SRSF9: variants seen among roughly 807,000 people sequenced by gnomAD.
The protein encoded by SRSF9 is serine/arginine-rich splicing factor 9.
SRSF9 carries 3 observed loss-of-function variants against 25.9 expected under a neutral mutation model. That is an observed-to-expected ratio of 0.12 (90% CI 0.05 to 0.30). The LOEUF (loss-of-function observed/expected upper bound fraction) is 0.30. Among genes scored for constraint, SRSF9 ranks in the 10% least tolerant of loss-of-function variants. SRSF9 has a pLI of 1.00. For missense variants in SRSF9, 161 were observed against 303.5 expected (o/e 0.53, Z 3.49); for synonymous variants, 114 against 113.2 (o/e 1.01, Z -0.05).
chr12:120,466,497 G>A (rs1217436192), intron 1 of SRSF9, among the ~76,000 whole-genome samples: 1 of 152,012 alleles, frequency 6.6e-6, no homozygotes, highest in East Asian at 1.9e-4. Flanking sequence ...AAGGCTCAAA[G>A]GACAAAAGAA....
chr12:120,469,483 T>C lies in SRSF9; in HGVS notation c.127A>G (p.Ile43Val), dbSNP rs1184462290. 1 of 1,601,972 alleles carries C rather than the reference T, an allele frequency of 6.2e-7. No homozygotes were observed. Among genetic ancestry groups the C allele is most frequent in the African/African-American group, 1.4e-5 (1 of 73,622 alleles). Residue 43 changes from isoleucine (I) to valine (V), a missense_variant, in exon 1 of 4, where the codon ATC (isoleucine) becomes GTC (valine). Physicochemically the swap from Ile to Val is conservative, Grantham distance 29. This residue lies in a region of SRSF9 where 99 missense variants were observed against 156.7 expected (regional missense o/e 0.63). Coordinates refer to ENST00000229390, the MANE Select transcript of SRSF9 (RefSeq NM_003769.3). ...AGGCCGTGCCGGTTCTTGAGCTCGA[T>C]CTCGCGGATGCGGCCGTACTTGTAG... ...LFYKYGRIRE[I>V]ELKNRHGLVP...
At chr12:120,469,323 G>A in intron 1 of SRSF9, 99 bp downstream of exon 1, 3 of 771,494 alleles carry the variant, frequency 3.9e-6, no homozygotes, top group Non-Finnish European at 5.8e-6. Context: ...GGCGGGGGGA[G>A]GGGAGGCCGG....
chr12:120,464,252 G>A, intron 2 of SRSF9, 130 bp from the exon 3 acceptor site: 6 of 1,051,552 alleles, frequency 5.7e-6, no homozygotes, highest in Non-Finnish European at 8.1e-6. Flanking sequence ...CATAAACCTT[G>A]ATAAGGGACA....
chr12:120,463,849 T>C lies in SRSF9; in HGVS notation c.522+101A>G, dbSNP rs1878422670. 1.9e-5 allele frequency: 26 copies of C among 1,367,184 alleles called. 2 individuals carry two copies. The South Asian group carries it at 3.4e-4, about 18-fold the overall frequency. The allele number at this position is 1,367,184 out of a possible 1,614,324, so 84.7% of individuals were successfully genotyped here. A position where few individuals can be genotyped will look rare whatever the true frequency, so the allele number is the denominator to read the frequency against. The stretch of plus-strand genomic sequence containing the variant: ...ACCTAAGATAGATCTCTTATGGTAC[T>C]GTGAGGTTACCAAATGGCATGGCCT... On this transcript the variant is annotated intron_variant, in intron 3 of 3. Transcript: ENST00000229390.
In SRSF9 at chr12:120,465,325, T is replaced by C. The variant is rs117390453; in HGVS notation, c.349+302A>G. 161 of 221,516 alleles carry C rather than the reference T, an allele frequency of 7.3e-4. 3 individuals are homozygous for C. In the East Asian group the frequency reaches 0.016, roughly 22 times the overall value. 13.7% of individuals were successfully genotyped at this position (221,516 alleles called of 1,614,324 possible). On this transcript the variant is annotated intron_variant, in intron 2 of 3. Coordinates refer to ENST00000229390, the MANE Select transcript of SRSF9 (RefSeq NM_003769.3). ...TTTCTACCATGTCTGATGCCAAGTA[T>C]ATTCCAAAAGAAGCATCTTTAGAAT...
chr12:120,464,055 A>AT lies in SRSF9; in HGVS notation c.416dup (p.Tyr139Ter). The AT allele has an allele frequency of 6.2e-7, 1 of 1,614,188 alleles. No homozygotes were observed. The highest frequency in any genetic ancestry group is 8.5e-7 in the Non-Finnish European group (1 of 1,180,032). ...DHMREAGDVC[Y>*]ADVQKDGVGM... ...CCACTCCATCCTTCTGCACATCAGC[A>AT]TAACAGACATCCCCAGCTTCTCGCA... The change falls in exon 3 of 4, where the codon TAT becomes TAAT. Residue 139 changes from tyrosine (Y) to a stop codon, truncating the protein, a stop_gained and frameshift_variant. Coordinates refer to ENST00000229390, the MANE Select transcript of SRSF9 (RefSeq NM_003769.3). LOFTEE classifies it high-confidence loss of function.
Position 120,469,522 on chromosome 12 carries a change from A to G in SRSF9, c.88T>C (p.Leu30=), listed in dbSNP as rs1225400859. ...NLPTDVREKD[L]EDLFYKYGRI... ...CCGTACTTGTAGAACAGGTCCTCCA[A>G]GTCCTTCTCGCGCACGTCGGTCGGA... The change falls in exon 1 of 4, where the codon TTG becomes CTG. Residue 30 remains leucine (L), a synonymous_variant. Transcript: ENST00000229390. The G allele has an allele frequency of 6.3e-7, 1 of 1,594,234 alleles. No homozygotes were observed. Among genetic ancestry groups the G allele is most frequent in the Non-Finnish European group, 8.5e-7 (1 of 1,172,240 alleles).
chr12:120,464,684 G>C (rs1592991549), intron 2 of SRSF9: 1 of 152,256 alleles, frequency 6.6e-6, no homozygotes, highest in Admixed American at 6.5e-5. Flanking sequence ...CAGTGGGGGG[G>C]AAGGTAAGAC....
intron 1 of SRSF9, among the ~76,000 whole-genome samples, chr12:120,469,165 CA>C (rs1422541510): frequency 6.6e-6 from 1 of 152,124 alleles, no homozygotes; most frequent in Non-Finnish European, 1.5e-5. Flanking sequence ...TTGGGCCCTC[CA>C]AAGGCTCAGC....
intron 1 of SRSF9, among the ~76,000 whole-genome samples, chr12:120,466,614 G>C (rs512688): frequency 0.023 from 3,429 of 152,126 alleles, 131 homozygotes; most frequent in African/African-American, 0.078. Context: ...ATAACTCACA[G>C]CAGCTTCTAA....
At chr12:120,465,865 G>T in intron 1 of SRSF9, 78 bp from the exon 2 acceptor site, 1 of 1,382,806 alleles carries the variant, frequency 7.2e-7, no homozygotes, top group Non-Finnish European at 9.7e-7. Context: ...CCAAGTGAGG[G>T]GCATGAGTAG....
intron 1 of SRSF9, among the ~76,000 whole-genome samples, chr12:120,469,056 AC>A (rs1032622918): frequency 7.3e-5 from 11 of 151,094 alleles, no homozygotes; most frequent in African/African-American, 2.7e-4. Context: ...GCGAACGGCG[AC>A]CCCCGCGCTG....
chr12:120,467,582 G>A (rs1309607527), intron 1 of SRSF9, among the ~76,000 whole-genome samples: 1 of 152,108 alleles, frequency 6.6e-6, no homozygotes, highest in Non-Finnish European at 1.5e-5. Context: ...CTGGGTAAGT[G>A]TTTAATCAAG....
intron 1 of SRSF9, among the ~76,000 whole-genome samples, chr12:120,467,769 T>C (rs961333750): frequency 2.0e-5 from 3 of 151,046 alleles, no homozygotes; most frequent in East Asian, 2.0e-4. Context: ...TATAGTAAGT[T>C]TGCATTCGAA....
At chr12:120,462,412 T>C (rs1403794538) in intron 3 of SRSF9, 1 of 362,456 alleles carries the variant, frequency 2.8e-6, no homozygotes, top group East Asian at 4.8e-5. Context: ...AAATGCCAAT[T>C]TGACATGTTG....
chr12:120,462,749 A>C (rs1878385922), intron 3 of SRSF9: 1 of 152,240 alleles, frequency 6.6e-6, no homozygotes, highest in South Asian at 2.1e-4. Flanking sequence ...GCAGCAGAGG[A>C]GTCATGTCCA....
chr12:120,462,461 C>T (rs528365550), intron 3 of SRSF9: 175 of 234,940 alleles, frequency 7.4e-4, no homozygotes, highest in Non-Finnish European at 1.1e-3. Context: ...ATCTGAATTA[C>T]TGCCATTGAC....
chr12:120,466,259 G>T (rs1021853656), intron 1 of SRSF9, among the ~76,000 whole-genome samples: 3 of 152,146 alleles, frequency 2.0e-5, no homozygotes, highest in African/African-American at 7.2e-5. Flanking sequence ...CACGCCTGTA[G>T]TCCCAGCTAC....
At chr12:120,462,410 A>G (rs541527276) in intron 3 of SRSF9, 4 of 369,124 alleles carry the variant, frequency 1.1e-5, no homozygotes, top group African/African-American at 4.2e-5. Context: ...ATAAATGCCA[A>G]TTTGACATGT....
Sources: gnomAD v4.1 joint callset for allele counts (sites outside exome capture counted in the v4.1 genomes callset) on GRCh38, gnomAD v4.1.1 for gene constraint, gnomAD v4.1.1 regional missense constraint, MANE v1.5 for transcripts, NCBI Gene and HGNC (gene_info 2026-07-23, HGNC 2026-07-21) for gene names.